The following PRKD2 variants were observed in gnomAD, a reference collection of about 807,000 sequenced individuals.
PRKD2 encodes the protein serine/threonine-protein kinase D2.
A neutral mutation model predicts 86.0 loss-of-function variants in PRKD2; 22 were observed. The ratio of observed to expected loss-of-function variants is 0.26; its 90% confidence interval spans 0.18 to 0.37. PRKD2 has a LOEUF of 0.37. Among genes scored for constraint, PRKD2 ranks in the 10% least tolerant of loss-of-function variants. PRKD2 has a pLI of 1.00. For synonymous variants in PRKD2, 509 were observed against 510.9 expected, an observed-to-expected ratio of 1.00 and a Z score of 0.05; for missense variants, 818 against 1,199.2, an observed-to-expected ratio of 0.68 and a Z score of 4.70.
At chr19:46,704,473 G>A (rs761961529) in intron 4 of PRKD2, 22 bp downstream of exon 4, 6 of 1,613,926 alleles carry the variant, frequency 3.7e-6, no homozygotes, top group African/African-American at 2.7e-5. Flanking sequence ...CCACCAACCC[G>A]TCCCATCCCC....
chr19:46,692,740 C>A (rs906034751), intron 10 of PRKD2, among the ~76,000 whole-genome samples: 1 of 152,200 alleles, frequency 6.6e-6, no homozygotes, highest in Admixed American at 6.5e-5. Context: ...TCCTGACACA[C>A]TGGCCTCCTT....
chr19:46,682,980 G>C (rs1340137945), intron 14 of PRKD2, among the ~76,000 whole-genome samples: 2 of 151,554 alleles, frequency 1.3e-5, no homozygotes, highest in East Asian at 3.9e-4. Flanking sequence ...TGGATAACAG[G>C]CGTGAGCCAC....
chr19:46,674,884 CCT>C, intron 17 of PRKD2, 147 bp downstream of exon 17: 11 of 1,156,790 alleles, frequency 9.5e-6, no homozygotes, highest in Non-Finnish European at 1.4e-5. Flanking sequence ...AGCTCCACCC[CCT>C]CTTCCTGCAC....
At position 46,716,362 on chromosome 19, in the gene PRKD2, G is replaced by C; in HGVS notation, c.9C>G (p.Thr3=). 7.0e-7 allele frequency: 1 copy of C among 1,430,994 alleles called. No homozygotes were observed. The highest frequency in any genetic ancestry group is 1.5e-5 in the South Asian group (1 of 67,736). The allele number at this position is 1,430,994 out of a possible 1,614,324, so 88.6% of individuals were successfully genotyped here. The change falls in exon 1 of 18, where the codon ACC becomes ACG. Residue 3 remains threonine, a synonymous_variant. Transcript: ENST00000291281. The surrounding 1 kb of genome is among the most constrained non-coding windows in gnomAD (Gnocchi z 7.9). ...GGAGCCCGGCGGGATAAGAGGGGGC[G>C]GTGGCCATGGGGGGAGGCCGGGGAC... The part of the protein sequence containing the change: MA[T]APSYPAGLPG...
rs1386701179 is a variant in PRKD2, at chr19:46,704,692, T to A, written c.512-43A>T. The A allele has an allele frequency of 1.9e-6, 3 of 1,549,372 alleles. No individual in the cohort carries two copies. In the African/African-American group the frequency reaches 4.1e-5, roughly 21 times the overall value. On this transcript the variant is annotated intron_variant, in intron 3 of 17. Coordinates refer to ENST00000291281, the MANE Select transcript of PRKD2 (RefSeq NM_016457.5). ...GAGTAAGAGACATGGCGTCTGCCCC[T>A]CCTAGGTCTCTTCTTGAGAAGTTGT...
chr19:46,693,203 C>G lies in PRKD2; in HGVS notation c.1576+672G>C, dbSNP rs2053507041. Among the ~76,000 whole-genome samples the G allele has an allele frequency of 1.3e-5, 2 of 152,208 alleles. No individual in the cohort carries two copies. Among genetic ancestry groups the G allele is most frequent in the South Asian group, 4.1e-4 (2 of 4,828 alleles). ...CTTCCTTGTCCCAACCCTGCCCACC[C>G]TGGACTGTCACTCTCTGAAGATGGG... is the stretch of plus-strand genomic sequence containing the variant. On this transcript the variant is annotated intron_variant, in intron 10 of 17. Transcript: ENST00000291281. This position sits in a 1 kb window ranked among gnomAD's most constrained non-coding sequence, Gnocchi z 4.5.
At chr19:46,708,091 C>G (rs2053742671) in intron 3 of PRKD2, among the ~76,000 whole-genome samples, 1 of 152,028 alleles carries the variant, frequency 6.6e-6, no homozygotes, top group South Asian at 2.1e-4. Context: ...GACTGAGACG[C>G]TGTCTCCAAA....
chr19:46,678,322 T>A lies in PRKD2; in HGVS notation c.2338+74A>T. ...CAGGCTGTTTCCGGGTCCACCCCCC[T>A]CTCATGGCTCCGCCCACTTCTCCAG... On this transcript the variant is annotated intron_variant, in intron 16 of 17. Transcript: ENST00000291281. The surrounding 1 kb of genome is among the most constrained non-coding windows in gnomAD (Gnocchi z 5.7). The A allele has an allele frequency of 3.2e-6, 5 of 1,552,840 alleles. No individual in the cohort carries two copies. Among genetic ancestry groups the A allele is most frequent in the Non-Finnish European group, 4.3e-6 (5 of 1,151,728 alleles).
intron 3 of PRKD2, among the ~76,000 whole-genome samples, chr19:46,707,101 C>T (rs1332829794): frequency 6.7e-6 from 1 of 149,712 alleles, no homozygotes; most frequent in Non-Finnish European, 1.5e-5. Flanking sequence ...ACCATGTTGG[C>T]CAGGCTGGTC....
At chr19:46,696,321 G>A (rs1241198431) in intron 9 of PRKD2, among the ~76,000 whole-genome samples, 1 of 152,118 alleles carries the variant, frequency 6.6e-6, no homozygotes. Flanking sequence ...CTGGCTGTGG[G>A]GGAAATGACA....
rs1478929338 is a variant in PRKD2 at position 46,711,405 on chromosome 19, T to G, written c.380-367A>C. On this transcript the variant is annotated intron_variant, in intron 2 of 17. Transcript: ENST00000291281. ...TTAAAATGTTGTGGGCTTTTTTGTT[T>G]GTGTTTGTTAGAGAGTTTCACTCTG... Among the ~76,000 whole-genome samples the G allele has an allele frequency of 3.9e-5, 6 of 152,160 alleles. No homozygotes were observed. The East Asian group carries it at 1.2e-3, about 29-fold the overall frequency.
At chr19:46,680,946 A>ATATATATATTTTTTTTTTT in intron 15 of PRKD2, among the ~76,000 whole-genome samples, 1 of 48,258 alleles carries the variant, frequency 2.1e-5, no homozygotes, top group Admixed American at 3.1e-4. Context: ...ATATATATAT[A>ATATATATATTTTTTTTTTT]TTTTTTTTTT....
chr19:46,716,471 T>G lies in PRKD2; in HGVS notation c.-101A>C, dbSNP rs1599847524. On this transcript the variant is annotated 5_prime_UTR_variant, in exon 1 of 18. Coordinates refer to ENST00000291281, the MANE Select transcript of PRKD2 (RefSeq NM_016457.5). The surrounding 1 kb of genome is among the most constrained non-coding windows in gnomAD (Gnocchi z 7.9). The stretch of plus-strand genomic sequence containing the variant: ...AGATCCGCGGGATCTCGTGAGCAGG[T>G]GGTGGGAGAGCGGGGATCCGAGAAA... 1 of 591,032 alleles carries G rather than the reference T, an allele frequency of 1.7e-6. No individual in the cohort carries two copies. Among genetic ancestry groups the G allele is most frequent in the South Asian group, 2.6e-5 (1 of 38,304 alleles). The allele number at this position is 591,032 out of a possible 1,614,324, so 36.6% of individuals were successfully genotyped here.
intron 15 of PRKD2, among the ~76,000 whole-genome samples, chr19:46,680,946 A>ATATATATTTTTTTTTT: frequency 8.3e-5 from 4 of 48,230 alleles, no homozygotes; most frequent in African/African-American, 1.4e-4. Flanking sequence ...ATATATATAT[A>ATATATATTTTTTTTTT]TTTTTTTTTT....
chr19:46,716,420 G>A lies in PRKD2; in HGVS notation c.-50C>T, dbSNP rs773703913. 153 of 1,171,156 alleles carry A rather than the reference G, an allele frequency of 1.3e-4. No homozygotes were observed. The Middle Eastern group carries it at 2.1e-3, about 16-fold the overall frequency. 72.5% of individuals were successfully genotyped at this position (1,171,156 alleles called of 1,614,324 possible). A position where few individuals can be genotyped will look rare whatever the true frequency, so the allele number is the denominator to read the frequency against. On this transcript the variant is annotated 5_prime_UTR_variant, in exon 1 of 18. Transcript: ENST00000291281. This position sits in a 1 kb window ranked among gnomAD's most constrained non-coding sequence, Gnocchi z 7.9. ...CTGGAGCCCACCCGGGACCCGGCCG[G>A]GGGGCCCCGGGGGACCCTGGGTTCT... is the stretch of plus-strand genomic sequence containing the variant.
intron 3 of PRKD2, among the ~76,000 whole-genome samples, chr19:46,706,027 T>C (rs556222987): frequency 6.6e-6 from 1 of 152,090 alleles, no homozygotes; most frequent in East Asian, 1.9e-4. Flanking sequence ...CCAGATAATT[T>C]TTTTATTTTT....
chr19:46,692,724 T>C (rs546322605), intron 10 of PRKD2, among the ~76,000 whole-genome samples: 1 of 152,194 alleles, frequency 6.6e-6, no homozygotes, highest in African/African-American at 2.4e-5. Context: ...ACCCCCAACA[T>C]GCTATTCCTG....
intron 14 of PRKD2, among the ~76,000 whole-genome samples, chr19:46,688,165 C>A (rs961575887): frequency 6.6e-6 from 1 of 152,084 alleles, no homozygotes; most frequent in Non-Finnish European, 1.5e-5. Flanking sequence ...GCTGGGATTA[C>A]GGGCATGAGC....
intron 8 of PRKD2, 86 bp from the exon 9 acceptor site, chr19:46,697,320 C>G: frequency 9.9e-7 from 1 of 1,012,696 alleles, no homozygotes; most frequent in Non-Finnish European, 1.5e-6. Flanking sequence ...GCTCCAGGTG[C>G]CTGGAGCACC....
Sources: allele counts gnomAD v4.1 joint callset (sites outside exome capture counted in the v4.1 genomes callset), GRCh38; gene constraint gnomAD v4.1.1; non-coding constraint Gnocchi (gnomAD v3.1); transcripts MANE v1.5; gene names NCBI Gene and HGNC (gene_info 2026-07-23, HGNC 2026-07-21).